Variants in WDFY2 observed in about 807,000 individuals in gnomAD.
WDFY2 encodes WD repeat and FYVE domain-containing protein 2.
In WDFY2, 36 loss-of-function variants were observed where a neutral mutation model predicts 56.4. The ratio of observed to expected loss-of-function variants is 0.64; its 90% CI spans 0.49 to 0.84. The LOEUF (loss-of-function observed/expected upper bound fraction) is 0.84, where lower values mean the gene tolerates loss of function less well. Among genes scored for constraint, WDFY2 ranks in the 40% least tolerant of loss-of-function variants. The pLI is 0.00. For missense variants in WDFY2, 444 were observed against 512.2 expected, an observed-to-expected ratio of 0.87 and a Z score of 1.29; for synonymous variants, 176 against 183.7, an observed-to-expected ratio of 0.96 and a Z score of 0.34.
At chr13:51,621,601 T>C (rs557930828) in intron 1 of WDFY2, among the ~76,000 whole-genome samples, 1 of 152,342 alleles carries the variant, frequency 6.6e-6, no homozygotes, top group South Asian at 2.1e-4. Flanking sequence ...GTTGAGACTA[T>C]TTTGAATTGA....
intron 1 of WDFY2, among the ~76,000 whole-genome samples, chr13:51,602,528 A>G (rs1178456306): frequency 6.6e-6 from 1 of 152,242 alleles, no homozygotes; most frequent in African/African-American, 2.4e-5. Flanking sequence ...ACATGTGGAA[A>G]TAGGTGCTCT....
At position 51,736,237 on chromosome 13, in the gene WDFY2, A is replaced by G. The variant is rs532051506; in HGVS notation, c.599-2812A>G. Among the ~76,000 whole-genome samples, 221 of 152,276 alleles carry G rather than the reference A, an allele frequency of 1.5e-3. 2 individuals carry two copies. Among genetic ancestry groups the G allele is most frequent in the African/African-American group, 5.2e-3 (215 of 41,542 alleles). On this transcript the variant is annotated intron_variant, in intron 6 of 11. Coordinates refer to ENST00000298125, the MANE Select transcript of WDFY2 (RefSeq NM_052950.4). ...ATATATATTAACCCAATTAATCTCA[A>G]CAATACTGTGGGTTAGGTACTATTA...
At chr13:51,732,865 C>T (rs1952754147) in intron 6 of WDFY2, among the ~76,000 whole-genome samples, 1 of 152,202 alleles carries the variant, frequency 6.6e-6, no homozygotes, top group Non-Finnish European at 1.5e-5. Flanking sequence ...TATCCATCTT[C>T]CAGCCAGCAT....
intron 4 of WDFY2, among the ~76,000 whole-genome samples, chr13:51,709,566 G>A (rs1016613072): frequency 1.3e-5 from 2 of 151,806 alleles, no homozygotes; most frequent in Non-Finnish European, 2.9e-5. Flanking sequence ...AAAGAGAGAA[G>A]AATCAAATAG....
At position 51,642,676 on chromosome 13, in the gene WDFY2, C is replaced by CTTT. The variant is rs999605077; in HGVS notation, c.138-17899_138-17897dup. Among the ~76,000 whole-genome samples, 192 of 103,070 alleles carry CTTT rather than the reference C, an allele frequency of 1.9e-3. 2 individuals are homozygous for CTTT. Among genetic ancestry groups the CTTT allele is most frequent in the East Asian group, 3.3e-3 (11 of 3,366 alleles). 67.6% of individuals were successfully genotyped at this position (103,070 alleles called of 152,430 possible). A position where few individuals can be genotyped will look rare whatever the true frequency, so the allele number is the denominator to read the frequency against. On this transcript the variant is annotated intron_variant, in intron 1 of 11. Coordinates refer to ENST00000298125, the MANE Select transcript of WDFY2 (RefSeq NM_052950.4). ...TCGTGACCAGCCTGTGGGCATCTGT[C>CTTT]TTTTTTTTTTTTTTTTTTTTTTTGA...
chr13:51,632,222 T>C (rs909867367), intron 1 of WDFY2, among the ~76,000 whole-genome samples: 6 of 152,266 alleles, frequency 3.9e-5, no homozygotes, highest in African/African-American at 1.4e-4. Context: ...CGGATGTCTA[T>C]TGGACTCTTT....
At chr13:51,735,643 C>A (rs1370168926) in intron 6 of WDFY2, among the ~76,000 whole-genome samples, 1 of 152,188 alleles carries the variant, frequency 6.6e-6, no homozygotes, top group Non-Finnish European at 1.5e-5. Flanking sequence ...AGTCTTATTT[C>A]ATTGTATCTG....
At chr13:51,628,620 T>C (rs1215982375) in intron 1 of WDFY2, among the ~76,000 whole-genome samples, 1 of 152,202 alleles carries the variant, frequency 6.6e-6, no homozygotes, top group African/African-American at 2.4e-5. Flanking sequence ...GCACCCCCCC[T>C]GCTGCAGCCG....
chr13:51,697,024 A>G (rs2138567032), intron 3 of WDFY2, among the ~76,000 whole-genome samples: 1 of 152,336 alleles, frequency 6.6e-6, no homozygotes, highest in Non-Finnish European at 1.5e-5. Context: ...AAGAGGAAAT[A>G]CTAAGGGCCA....
At chr13:51,668,530 G>A (rs1379706041) in intron 2 of WDFY2, among the ~76,000 whole-genome samples, 1 of 152,186 alleles carries the variant, frequency 6.6e-6, no homozygotes, top group African/African-American at 2.4e-5. Flanking sequence ...AATAAAACGT[G>A]TTGAGTACTG....
chr13:51,612,054 A>G (rs1954514028), intron 1 of WDFY2, among the ~76,000 whole-genome samples: 2 of 151,912 alleles, frequency 1.3e-5, no homozygotes, highest in Admixed American at 6.6e-5. Flanking sequence ...CAGACAATAC[A>G]TTTTCCTTAT....
At chr13:51,670,351 G>A (rs1210080699) in intron 2 of WDFY2, among the ~76,000 whole-genome samples, 5 of 152,100 alleles carry the variant, frequency 3.3e-5, no homozygotes, top group Non-Finnish European at 7.4e-5. Context: ...ACAACAAATC[G>A]AGGCATCAAT....
At chr13:51,756,750 T>C (rs1466795378) in intron 10 of WDFY2, 1 of 640,022 alleles carries the variant, frequency 1.6e-6, no homozygotes, top group East Asian at 1.4e-4. Flanking sequence ...TGTCTGCTCA[T>C]TTACTTGAGA....
intron 2 of WDFY2, among the ~76,000 whole-genome samples, chr13:51,665,806 C>T (rs1187062264): frequency 1.3e-5 from 2 of 152,172 alleles, no homozygotes; most frequent in African/African-American, 4.8e-5. Context: ...TCTGTTCCTG[C>T]CAGGGCAGGC....
intron 1 of WDFY2, among the ~76,000 whole-genome samples, chr13:51,633,894 C>A (rs1263216468): frequency 6.6e-6 from 1 of 152,146 alleles, no homozygotes; most frequent in Non-Finnish European, 1.5e-5. Context: ...GCTTTCAGTT[C>A]TTTCCCATTG....
rs1333823283 is a variant in WDFY2, at chr13:51,764,042, T to G, written c.*4273T>G. 2 of 152,246 alleles carry G rather than the reference T, an allele frequency of 1.3e-5. No homozygotes were observed. Among genetic ancestry groups the G allele is most frequent in the Non-Finnish European group, 2.9e-5 (2 of 68,042 alleles). The allele number at this position is 152,246 out of a possible 1,614,324, so 9.4% of individuals were successfully genotyped here. A position where few individuals can be genotyped will look rare whatever the true frequency, so the allele number is the denominator to read the frequency against. On this transcript the variant is annotated 3_prime_UTR_variant, in exon 12 of 12. Transcript: ENST00000298125. Reference sequence around the variant, plus strand: ...ACCAATACATTCTTATTTTTTCTCCTTTAAAATAATATTGAATTTTTCCTG... The same window carrying G: ...ACCAATACATTCTTATTTTTTCTCCGTTAAAATAATATTGAATTTTTCCTG...
intron 1 of WDFY2, among the ~76,000 whole-genome samples, chr13:51,597,543 A>G (rs574074494): frequency 6.6e-6 from 1 of 152,338 alleles, no homozygotes; most frequent in African/African-American, 2.4e-5. Context: ...TTTTGCTTAA[A>G]AAGTTTATCT....
At chr13:51,628,000 A>G (rs1566323455) in intron 1 of WDFY2, among the ~76,000 whole-genome samples, 1 of 152,178 alleles carries the variant, frequency 6.6e-6, no homozygotes, top group Non-Finnish European at 1.5e-5. Flanking sequence ...CAGGCTCAGA[A>G]AAAGCACCAT....
chr13:51,642,583 C>T (rs764233731), intron 1 of WDFY2, among the ~76,000 whole-genome samples: 5 of 152,032 alleles, frequency 3.3e-5, no homozygotes, highest in South Asian at 2.1e-4. Context: ...CTTGAGCCAC[C>T]GTGCCCAGCC....
Sources: allele counts gnomAD v4.1 joint callset (sites outside exome capture counted in the v4.1 genomes callset), GRCh38; gene constraint gnomAD v4.1.1; transcripts MANE v1.5; gene names NCBI Gene and HGNC (gene_info 2026-07-23, HGNC 2026-07-21).